The following UPF2 variants were observed in gnomAD, a reference collection of about 807,000 sequenced individuals.
UPF2 encodes the protein UPF2 regulator of nonsense mediated mRNA decay.
Under a neutral mutation model 141.4 loss-of-function variants are expected in UPF2, and 17 were observed. The ratio of observed to expected loss-of-function variants is 0.12; its 90% CI spans 0.08 to 0.18. UPF2 has a LOEUF of 0.18. UPF2 is among the 10% of genes least tolerant of loss of function. UPF2 has a pLI of 1.00. For synonymous variants in UPF2, 540 were observed against 498.0 expected, an observed-to-expected ratio of 1.08 and a Z score of -1.12; for missense variants, 1,152 against 1,515.9, an observed-to-expected ratio of 0.76 and a Z score of 3.99.
chr10:12,003,645 G>A (rs1833987988), intron 5 of UPF2, among the ~76,000 whole-genome samples: 1 of 152,174 alleles, frequency 6.6e-6, no homozygotes, highest in Non-Finnish European at 1.5e-5. Context: ...GAATGCATAG[G>A]CTGAGCGCGG....
At chr10:11,964,446 A>G (rs1051369845) in intron 10 of UPF2, among the ~76,000 whole-genome samples, 1 of 152,160 alleles carries the variant, frequency 6.6e-6, no homozygotes, top group South Asian at 2.1e-4. Context: ...CTTGGTCTAT[A>G]TATTTATTTT....
At chr10:12,036,918 G>A (rs1834635763) in intron 1 of UPF2, among the ~76,000 whole-genome samples, 1 of 152,034 alleles carries the variant, frequency 6.6e-6, no homozygotes, top group Admixed American at 6.6e-5. Flanking sequence ...CCAGCTACTC[G>A]GGAGGCTGAG....
At chr10:12,027,697 C>T (rs1834445216) in intron 3 of UPF2, among the ~76,000 whole-genome samples, 1 of 152,176 alleles carries the variant, frequency 6.6e-6, no homozygotes, top group South Asian at 2.1e-4. Flanking sequence ...GAGTGACCTT[C>T]AGCCACAAAG....
intron 9 of UPF2, among the ~76,000 whole-genome samples, chr10:11,974,296 C>T (rs1335172777): frequency 6.6e-6 from 1 of 152,170 alleles, no homozygotes; most frequent in Non-Finnish European, 1.5e-5. Flanking sequence ...ATGGGGCTTT[C>T]TAAATATACG....
At chr10:11,942,874 G>A in intron 17 of UPF2, 111 bp from the exon 18 acceptor site, 2 of 976,642 alleles carry the variant, frequency 2.0e-6, no homozygotes, top group Non-Finnish European at 3.1e-6. Context: ...GGAGTAAAGT[G>A]AGTAAAATAT....
rs61678431 is a variant in UPF2, at chr10:12,024,931, CAAAAAAAAA to C, written c.1145+3805_1145+3813del. On this transcript the variant is annotated intron_variant, in intron 3 of 21. Transcript: ENST00000357604. The stretch of plus-strand genomic sequence containing the variant: ...CCCAGGTAAGAGGGAGACCCTGTTA[CAAAAAAAAA>C]AAAAAAAAAAAAAAAAACACAGCTA... Among the ~76,000 whole-genome samples, 72 of 53,488 alleles carry C rather than the reference CAAAAAAAAA, an allele frequency of 1.3e-3. 1 individual carries two copies. Among genetic ancestry groups the C allele is most frequent in the Admixed American group, 6.5e-3 (21 of 3,250 alleles). The allele number at this position is 53,488 out of a possible 152,430, so 35.1% of individuals were successfully genotyped here.
intron 2 of UPF2, among the ~76,000 whole-genome samples, chr10:12,031,605 C>A (rs1834525223): frequency 6.6e-6 from 1 of 152,080 alleles, no homozygotes; most frequent in Non-Finnish European, 1.5e-5. Context: ...AAGACCCAAT[C>A]TCTACAAAAA....
chr10:11,981,893 C>T (rs952845743), intron 8 of UPF2, among the ~76,000 whole-genome samples: 1 of 152,186 alleles, frequency 6.6e-6, no homozygotes, highest in Non-Finnish European at 1.5e-5. Flanking sequence ...CCCATATTGG[C>T]CAGGCTGGTC....
At chr10:12,005,614 G>A (rs572481701) in intron 4 of UPF2, among the ~76,000 whole-genome samples, 3 of 152,178 alleles carry the variant, frequency 2.0e-5, no homozygotes, top group Non-Finnish European at 2.9e-5. Context: ...TGTCACCCAG[G>A]CTGGAGTACA....
intron 4 of UPF2, among the ~76,000 whole-genome samples, chr10:12,007,953 G>C (rs1834063007): frequency 6.6e-6 from 1 of 150,682 alleles, no homozygotes; most frequent in Admixed American, 6.6e-5. Context: ...TGCAATCTCA[G>C]CTCACTGCAA....
rs1158821858 is a variant in UPF2 at position 12,016,743 on chromosome 10, C to G, written c.1146-2559G>C. On this transcript the variant is annotated intron_variant, in intron 3 of 21. Coordinates refer to ENST00000357604, the MANE Select transcript of UPF2 (RefSeq NM_015542.4). This position sits in a 1 kb window ranked among gnomAD's most constrained non-coding sequence, Gnocchi z 4.1. ...ACTTAAAAATATCTGCAATGTAGGG[C>G]CGGGCACGGTGGTTCACGCCTATAA... Among the ~76,000 whole-genome samples, 1 of 151,730 alleles carries G rather than the reference C, an allele frequency of 6.6e-6. No homozygotes were observed. Among genetic ancestry groups the G allele is most frequent in the Admixed American group, 6.6e-5 (1 of 15,210 alleles).
chr10:11,955,148 A>G (rs757916771), intron 14 of UPF2, 84 bp downstream of exon 14: 11 of 1,306,778 alleles, frequency 8.4e-6, no homozygotes, highest in Non-Finnish European at 1.0e-5. Flanking sequence ...TATGAATACC[A>G]TAACGTTTCT....
At chr10:12,036,766 C>T (rs559284418) in intron 1 of UPF2, among the ~76,000 whole-genome samples, 2 of 152,270 alleles carry the variant, frequency 1.3e-5, no homozygotes, top group South Asian at 2.1e-4. Flanking sequence ...TGGCTCATGC[C>T]TATAATCTCA....
intron 12 of UPF2, among the ~76,000 whole-genome samples, chr10:11,958,788 A>C (rs942368854): frequency 2.6e-5 from 4 of 152,208 alleles, no homozygotes; most frequent in African/African-American, 9.6e-5. Context: ...GAGACGTTCA[A>C]AATTACGAAA....
intron 5 of UPF2, 94 bp from the exon 6 acceptor site, chr10:12,001,919 T>C: frequency 8.6e-7 from 1 of 1,169,150 alleles, no homozygotes; most frequent in Non-Finnish European, 1.2e-6. Context: ...CTGCAGGTTC[T>C]TTTAGAAGCT....
intron 4 of UPF2, among the ~76,000 whole-genome samples, chr10:12,006,913 G>A (rs982180855): frequency 5.9e-5 from 9 of 152,108 alleles, no homozygotes; most frequent in Admixed American, 2.0e-4. Context: ...CAGAAAGACC[G>A]AGTGATTACA....
At chr10:12,005,103 T>G (rs919085410) in intron 4 of UPF2, among the ~76,000 whole-genome samples, 2 of 85,738 alleles carry the variant, frequency 2.3e-5, no homozygotes, top group South Asian at 7.0e-4. Flanking sequence ...ACCTCCCCCA[T>G]GAGTATTTTT....
intron 8 of UPF2, among the ~76,000 whole-genome samples, chr10:11,988,160 C>G (rs1024928024): frequency 6.6e-6 from 1 of 152,202 alleles, no homozygotes; most frequent in African/African-American, 2.4e-5. Context: ...AAAAGATGCT[C>G]AACGTCATAT....
At chr10:11,954,647 T>C (rs200479193) in intron 14 of UPF2, among the ~76,000 whole-genome samples, 1 of 137,928 alleles carries the variant, frequency 7.3e-6, no homozygotes, top group African/African-American at 2.7e-5. Flanking sequence ...AAAAAAAATA[T>C]ATATATATAT....
Sources: gnomAD v4.1 joint callset for allele counts (sites outside exome capture counted in the v4.1 genomes callset) on GRCh38, gnomAD v4.1.1 for gene constraint, Gnocchi (gnomAD v3.1) non-coding constraint, MANE v1.5 for transcripts, NCBI Gene and HGNC (gene_info 2026-07-23, HGNC 2026-07-21) for gene names.